The following CAMTA1 variants were observed in gnomAD, a reference collection of about 807,000 sequenced individuals.
CAMTA1 encodes the protein calmodulin binding transcription activator 1, also known as calmodulin-binding transcription activator 1.
CAMTA1 carries 27 observed loss-of-function variants against 170.9 expected under a neutral mutation model. The observed-to-expected ratio is 0.16, with a 90% confidence interval of 0.12 to 0.22. The LOEUF is 0.22. Ranked by LOEUF, CAMTA1 falls within the 10% of genes least tolerant of loss-of-function variation. The pLI is 1.00. For missense variants in CAMTA1, 1,619 were observed against 2,217.2 expected (o/e 0.73, Z 5.42); for synonymous variants, 833 against 891.5 (o/e 0.93, Z 1.17).
chr1:7,068,089 A>C (rs1426386788), intron 3 of CAMTA1, among the ~76,000 whole-genome samples: 1 of 152,202 alleles, frequency 6.6e-6, no homozygotes, highest in African/African-American at 2.4e-5. Flanking sequence ...TTCTTGTGAC[A>C]TGAGATGGTA....
intron 6 of CAMTA1, among the ~76,000 whole-genome samples, chr1:7,607,452 T>A (rs1165334299): frequency 6.6e-6 from 1 of 151,242 alleles, no homozygotes; most frequent in East Asian, 1.9e-4. Flanking sequence ...GGTGGGTGGA[T>A]GGATGGATGG....
chr1:7,735,066 A>G (rs1286744671), intron 12 of CAMTA1, among the ~76,000 whole-genome samples: 1 of 152,202 alleles, frequency 6.6e-6, no homozygotes, highest in Non-Finnish European at 1.5e-5. Flanking sequence ...TGTTATTAAT[A>G]ACACTTAAAT....
chr1:7,577,298 AG>A (rs932605647), intron 6 of CAMTA1, among the ~76,000 whole-genome samples: 1 of 146,106 alleles, frequency 6.8e-6, no homozygotes, highest in African/African-American at 2.5e-5. Flanking sequence ...ATCACTGAAA[AG>A]GGCCCCCCCT....
chr1:7,293,848 C>CG lies in CAMTA1; in HGVS notation c.438+44228dup, dbSNP rs1438795828. On this transcript the variant is annotated intron_variant, in intron 5 of 22. Transcript: ENST00000303635. The surrounding 1 kb of genome is among the most constrained non-coding windows in gnomAD (Gnocchi z 4.1). ...TTTTCTCTGAAAACTCGGCATGCCC[C>CG]GGGGGGCCTCTTTGGAGCCTGTTGG... 6.6e-6 allele frequency among the ~76,000 whole-genome samples: 1 copy of CG among 152,184 alleles called. No individual in the cohort carries two copies. Among genetic ancestry groups the CG allele is most frequent in the African/African-American group, 2.4e-5 (1 of 41,440 alleles).
intron 4 of CAMTA1, among the ~76,000 whole-genome samples, chr1:7,156,694 C>T (rs1646906423): frequency 6.6e-6 from 1 of 152,218 alleles, no homozygotes; most frequent in Non-Finnish European, 1.5e-5. Flanking sequence ...GTATCTGTAG[C>T]ATGTGTAACT....
At chr1:7,258,594 C>T (rs1667741224) in intron 5 of CAMTA1, among the ~76,000 whole-genome samples, 1 of 152,188 alleles carries the variant, frequency 6.6e-6, no homozygotes, top group Non-Finnish European at 1.5e-5. Flanking sequence ...TACAGCCTCA[C>T]CCAGAAACCG....
chr1:7,303,508 A>G (rs1203314574), intron 5 of CAMTA1, among the ~76,000 whole-genome samples: 1 of 152,252 alleles, frequency 6.6e-6, no homozygotes, highest in African/African-American at 2.4e-5. Context: ...ACAAATTAGT[A>G]CATTTTACCA....
intron 5 of CAMTA1, among the ~76,000 whole-genome samples, chr1:7,377,126 CGAGGGCTGAGGGGCCCCCT>C (rs1264316800): frequency 2.0e-5 from 3 of 152,174 alleles, no homozygotes; most frequent in Non-Finnish European, 4.4e-5. Flanking sequence ...CTCGCCTGAC[CGAGGGCTGAGGGGCCCCCT>C]TCACCTCTCT....
At chr1:7,103,914 TCA>T (rs1221857282) in intron 4 of CAMTA1, among the ~76,000 whole-genome samples, 21 of 86,414 alleles carry the variant, frequency 2.4e-4, no homozygotes, top group South Asian at 1.1e-3. Context: ...ACACGCGCAC[TCA>T]CACATACACA....
chr1:7,561,939 C>T lies in CAMTA1; in HGVS notation c.511-78461C>T, dbSNP rs1474573757. Among the ~76,000 whole-genome samples the T allele has an allele frequency of 6.6e-6, 1 of 152,198 alleles. No homozygotes were observed. The highest frequency in any genetic ancestry group is 6.5e-5 in the Admixed American group (1 of 15,290). ...ACTCCATTTCCTGGGCTCCATTTTT[C>T]CCCTGACCTGCCCAGTCCTGTGTTC... is the stretch of plus-strand genomic sequence containing the variant. On this transcript the variant is annotated intron_variant, in intron 6 of 22. Transcript: ENST00000303635. The surrounding 1 kb of genome is among the most constrained non-coding windows in gnomAD (Gnocchi z 5.3).
rs572401821 is a variant in CAMTA1 at position 6,919,905 on chromosome 1, C to G, written c.234+94695C>G. 1.5e-3 allele frequency among the ~76,000 whole-genome samples: 222 copies of G among 152,176 alleles called. 8 individuals are homozygous for G. The South Asian group carries it at 0.044, about 30-fold the overall frequency. ...CAGTCATCTCCCACTGGGTCCCCCC[C>G]ATAACACGTGGGAATTATGGGAGCT... On this transcript the variant is annotated intron_variant, in intron 3 of 22. Coordinates refer to ENST00000303635, the MANE Select transcript of CAMTA1 (RefSeq NM_015215.4).
chr1:7,457,355 G>T (rs536221108), intron 5 of CAMTA1, among the ~76,000 whole-genome samples: 1 of 151,838 alleles, frequency 6.6e-6, no homozygotes, highest in African/African-American at 2.4e-5. Context: ...TCGTTAGGCC[G>T]GCGGCCGCTT....
At chr1:7,158,084 G>A (rs919184504) in intron 4 of CAMTA1, among the ~76,000 whole-genome samples, 4 of 152,242 alleles carry the variant, frequency 2.6e-5, no homozygotes, top group East Asian at 1.9e-4. Context: ...GCGTGAACCC[G>A]GAAGGCGGAG....
chr1:7,432,807 A>T, intron 5 of CAMTA1, among the ~76,000 whole-genome samples: 1 of 152,170 alleles, frequency 6.6e-6, no homozygotes, highest in Non-Finnish European at 1.5e-5. Flanking sequence ...TCTGCCTTTC[A>T]GCTTCACCAG....
At chr1:7,103,809 T>C (rs200568994) in intron 4 of CAMTA1, among the ~76,000 whole-genome samples, 23 of 124,380 alleles carry the variant, frequency 1.8e-4, no homozygotes, top group African/African-American at 4.9e-4. Context: ...CACATATACA[T>C]ACAACTACAC....
rs780992004 is a variant in CAMTA1, at chr1:7,738,458, C to T, written c.4158C>T (p.Cys1386=). The change falls in exon 16 of 23, where the codon TGC becomes TGT. Residue 1386 remains cysteine (C), a synonymous_variant. Coordinates refer to ENST00000303635, the MANE Select transcript of CAMTA1 (RefSeq NM_015215.4). This position sits in a 1 kb window ranked among gnomAD's most constrained non-coding sequence, Gnocchi z 4.9. ...SYRDSAENEE[C]GQPMDDIQVN... ...GTGATAGTGCAGAAAATGAAGAATGCGGCCAGCCCATGGATGACATACAGG... is the reference window on the plus strand; with the variant it reads ...GTGATAGTGCAGAAAATGAAGAATGTGGCCAGCCCATGGATGACATACAGG... 26 of 1,613,692 alleles carry T rather than the reference C, an allele frequency of 1.6e-5. No individual in the cohort carries two copies. The highest frequency in any genetic ancestry group is 2.0e-5 in the Non-Finnish European group (24 of 1,179,814).
At chr1:7,072,943 G>C (rs1638834482) in intron 3 of CAMTA1, among the ~76,000 whole-genome samples, 4 of 152,222 alleles carry the variant, frequency 2.6e-5, no homozygotes, top group Admixed American at 2.6e-4. Flanking sequence ...CTTTGAGTCT[G>C]GGTGAGATGG....
In CAMTA1 at chr1:7,220,100, G is replaced by C. The variant is rs1054696754; in HGVS notation, c.303-29391G>C. Among the ~76,000 whole-genome samples the C allele has an allele frequency of 1.3e-5, 2 of 152,208 alleles. 1 individual carries two copies. The highest frequency in any genetic ancestry group is 2.9e-5 in the Non-Finnish European group (2 of 68,046). On this transcript the variant is annotated intron_variant, in intron 4 of 22. Coordinates refer to ENST00000303635, the MANE Select transcript of CAMTA1 (RefSeq NM_015215.4). ...TGTTACGGAAGCCTGAGCTAACTCA[G>C]ATGTCAGCCAACCATATTTTTACAG...
At chr1:7,221,980 G>A (rs1049219681) in intron 4 of CAMTA1, among the ~76,000 whole-genome samples, 7 of 151,004 alleles carry the variant, frequency 4.6e-5, no homozygotes, top group African/African-American at 1.2e-4. Flanking sequence ...TGCCTGGGAG[G>A]CAGCAGTGAC....
Sources: allele counts gnomAD v4.1 joint callset (sites outside exome capture counted in the v4.1 genomes callset), GRCh38; gene constraint gnomAD v4.1.1; non-coding constraint Gnocchi (gnomAD v3.1); transcripts MANE v1.5; gene names NCBI Gene and HGNC (gene_info 2026-07-23, HGNC 2026-07-21).